PCDH15: variants seen among roughly 807,000 people sequenced by gnomAD.
PCDH15 encodes the protein protocadherin-15.
In PCDH15, 129 loss-of-function variants were observed where a neutral mutation model predicts 178.5. That is an observed-to-expected ratio of 0.72 (90% CI 0.63 to 0.84). PCDH15 has a LOEUF of 0.84. Ranked by LOEUF, PCDH15 falls within the 40% of genes least tolerant of loss-of-function variation. The pLI, the probability that PCDH15 is intolerant of heterozygous loss-of-function variation, is 0.00. For missense variants in PCDH15, 2,230 were observed against 2,099.9 expected, an observed-to-expected ratio of 1.06 and a Z score of -1.21; for synonymous variants, 800 against 732.0, an observed-to-expected ratio of 1.09 and a Z score of -1.50.
chr10:53,836,220 C>T (rs1376682364), intron 29 of PCDH15, among the ~76,000 whole-genome samples: 1 of 151,986 alleles, frequency 6.6e-6, no homozygotes, highest in Non-Finnish European at 1.5e-5. Context: ...ACCCAAGACC[C>T]CCTGTAAATG....
At chr10:54,880,788 A>T (rs1466564761) in intron 3 of PCDH15, among the ~76,000 whole-genome samples, 1 of 149,766 alleles carries the variant, frequency 6.7e-6, no homozygotes, top group East Asian at 1.9e-4. Flanking sequence ...AGATTCTAGA[A>T]ATATGTATGT....
At chr10:55,233,694 T>C (rs1841293404) in intron 1 of PCDH15, among the ~76,000 whole-genome samples, 1 of 152,056 alleles carries the variant, frequency 6.6e-6, no homozygotes, top group African/African-American at 2.4e-5. Context: ...AGAGAGAAAG[T>C]GTGGTTTTGA....
chr10:54,584,983 C>A (rs901108899), intron 2 of PCDH15, among the ~76,000 whole-genome samples: 1 of 152,026 alleles, frequency 6.6e-6, no homozygotes, highest in Admixed American at 6.6e-5. Flanking sequence ...TTGCTTCAAC[C>A]AAATGGTAGG....
At chr10:54,800,203 G>A (rs755571466) in intron 1 of PCDH15, among the ~76,000 whole-genome samples, 1 of 152,094 alleles carries the variant, frequency 6.6e-6, no homozygotes, top group Non-Finnish European at 1.5e-5. Flanking sequence ...TTGTTATTCA[G>A]GGCCCACCCA....
At chr10:54,353,458 C>T (rs1944470152) in intron 5 of PCDH15, among the ~76,000 whole-genome samples, 1 of 151,990 alleles carries the variant, frequency 6.6e-6, no homozygotes, top group Non-Finnish European at 1.5e-5. Context: ...ATTTCATGAA[C>T]CCATGTAATG....
chr10:54,032,180 G>A (rs950692181), intron 18 of PCDH15, among the ~76,000 whole-genome samples: 12 of 151,474 alleles, frequency 7.9e-5, no homozygotes, highest in African/African-American at 2.7e-4. Flanking sequence ...GCTATTTCAT[G>A]TCTGCTTTAT....
chr10:55,398,645 C>A (rs572180830), intron 2 of PCDH15, among the ~76,000 whole-genome samples: 8 of 152,282 alleles, frequency 5.3e-5, no homozygotes, highest in Admixed American at 2.6e-4. Flanking sequence ...GGACCTATTT[C>A]TCTTTCTAGT....
intron 17 of PCDH15, among the ~76,000 whole-genome samples, chr10:54,067,881 A>G (rs888260734): frequency 6.6e-6 from 1 of 152,212 alleles, no homozygotes; most frequent in African/African-American, 2.4e-5. Flanking sequence ...AGAGGCTAAA[A>G]TCCTGAGCAC....
At chr10:55,276,849 A>G (rs909864175) in intron 1 of PCDH15, among the ~76,000 whole-genome samples, 5 of 151,982 alleles carry the variant, frequency 3.3e-5, no homozygotes, top group Admixed American at 6.6e-5. Flanking sequence ...TATGATTCCC[A>G]TAAGTTACCC....
intron 26 of PCDH15, among the ~76,000 whole-genome samples, chr10:53,884,491 C>T (rs1036406687): frequency 7.2e-5 from 11 of 152,088 alleles, no homozygotes; most frequent in Admixed American, 1.3e-4. Flanking sequence ...ATGCAGAGTT[C>T]GCCAAAAAAC....
chr10:54,898,332 G>A (rs1329355347), intron 2 of PCDH15, among the ~76,000 whole-genome samples: 1 of 151,930 alleles, frequency 6.6e-6, no homozygotes, highest in African/African-American at 2.4e-5. Flanking sequence ...ATATTTTGAA[G>A]AATATCATAA....
At chr10:53,924,241 G>A (rs1024861671) in intron 25 of PCDH15, among the ~76,000 whole-genome samples, 29 of 152,198 alleles carry the variant, frequency 1.9e-4, no homozygotes, top group African/African-American at 5.1e-4. Flanking sequence ...CGTGAGTTCC[G>A]GTGGGCATGG....
chr10:55,318,988 A>G (rs1565003728), intron 1 of PCDH15, among the ~76,000 whole-genome samples: 1 of 152,082 alleles, frequency 6.6e-6, no homozygotes, highest in Non-Finnish European at 1.5e-5. Flanking sequence ...TGAGAATCTT[A>G]TTTGTAGTAG....
chr10:53,924,900 C>A (rs1235346576), intron 25 of PCDH15, among the ~76,000 whole-genome samples: 1 of 152,172 alleles, frequency 6.6e-6, no homozygotes, highest in African/African-American at 2.4e-5. Context: ...TGTAAATGCA[C>A]CAATCAGTGC....
chr10:55,314,709 CTTCTTA>C (rs1338222466), intron 1 of PCDH15, among the ~76,000 whole-genome samples: 1 of 152,072 alleles, frequency 6.6e-6, no homozygotes, highest in Non-Finnish European at 1.5e-5. Context: ...GTAGAATTGT[CTTCTTA>C]TTCTTATCTT....
chr10:54,899,590 G>A (rs989667663), intron 2 of PCDH15, among the ~76,000 whole-genome samples: 6 of 150,534 alleles, frequency 4.0e-5, no homozygotes, highest in East Asian at 4.0e-4. Context: ...CCCGCCTCCC[G>A]GGTTCAAGCA....
At chr10:54,633,750 T>A (rs1027338390) in intron 2 of PCDH15, among the ~76,000 whole-genome samples, 1 of 152,136 alleles carries the variant, frequency 6.6e-6, no homozygotes, top group Admixed American at 6.6e-5. Flanking sequence ...ATAAAGTATC[T>A]ACCTGTAAAT....
intron 1 of PCDH15, among the ~76,000 whole-genome samples, chr10:55,306,941 T>C (rs1007828461): frequency 6.7e-6 from 1 of 150,356 alleles, no homozygotes; most frequent in African/African-American, 2.5e-5. Context: ...GAATACCTGA[T>C]AGAGAAACTA....
intron 3 of PCDH15, among the ~76,000 whole-genome samples, chr10:54,474,155 T>C (rs918210891): frequency 2.0e-5 from 3 of 152,056 alleles, no homozygotes; most frequent in Middle Eastern, 3.4e-3. Flanking sequence ...TTGTAAATTA[T>C]GGTCAAAAGA....
Sources: gnomAD v4.1 joint callset for allele counts (sites outside exome capture counted in the v4.1 genomes callset) on GRCh38, gnomAD v4.1.1 for gene constraint, MANE v1.5 for transcripts, NCBI Gene and HGNC (gene_info 2026-07-23, HGNC 2026-07-21) for gene names.